The following SLC4A1AP variants were observed in gnomAD, a reference collection of about 807,000 sequenced individuals.
SLC4A1AP encodes the protein kanadaptin.
Under a neutral mutation model 89.7 loss-of-function variants are expected in SLC4A1AP, and 64 were observed. The observed-to-expected ratio is 0.71, with a 90% CI of 0.58 to 0.88. SLC4A1AP has a LOEUF of 0.88. Among genes scored for constraint, SLC4A1AP ranks in the 40% least tolerant of loss-of-function variants. The probability of loss-of-function intolerance (pLI) is 0.00; values close to 1 mark genes in which losing one functional copy is unlikely to be tolerated. For synonymous variants in SLC4A1AP, 366 were observed against 353.3 expected (o/e 1.04, Z -0.40); for missense variants, 931 against 965.0 (o/e 0.96, Z 0.47).
chr2:27,686,772 A>C (rs1675710580), intron 10 of SLC4A1AP, among the ~76,000 whole-genome samples: 1 of 152,196 alleles, frequency 6.6e-6, no homozygotes, highest in Non-Finnish European at 1.5e-5. Context: ...AGACTGTTTC[A>C]AAAACAAAAC....
chr2:27,681,697 A>G (rs1483686789), intron 8 of SLC4A1AP, among the ~76,000 whole-genome samples: 1 of 152,090 alleles, frequency 6.6e-6, no homozygotes, highest in African/African-American at 2.4e-5. Context: ...TAATGGGCTT[A>G]GCTTTTCTAA....
chr2:27,679,069 C>G (rs1675571564), intron 8 of SLC4A1AP, among the ~76,000 whole-genome samples: 1 of 152,044 alleles, frequency 6.6e-6, no homozygotes, highest in Non-Finnish European at 1.5e-5. Context: ...TGATTTTATA[C>G]TGTGCTGATG....
intron 5 of SLC4A1AP, among the ~76,000 whole-genome samples, chr2:27,673,448 C>T (rs1442227000): frequency 8.6e-6 from 1 of 116,554 alleles, no homozygotes; most frequent in Non-Finnish European, 1.7e-5. Context: ...CCCTCCCTTC[C>T]TTCCTTCCTT....
Position 27,688,770 on chromosome 2 carries a change from A to G in SLC4A1AP, c.2271+3A>G, listed in dbSNP as rs772036025. The G allele has an allele frequency of 1.3e-6, 2 of 1,597,826 alleles. No homozygotes were observed. The highest frequency in any genetic ancestry group is 8.5e-7 in the Non-Finnish European group (1 of 1,173,828). On this transcript the variant is annotated splice_donor_region_variant and intron_variant, in intron 12 of 13. Coordinates refer to ENST00000613058, the Ensembl canonical transcript of SLC4A1AP. The stretch of plus-strand genomic sequence containing the variant: ...AGAAAACACCTGGTCCAGGCAAAGT[A>G]AGTATTTCACTTGTCTGGGAGTAAA...
chr2:27,691,592 C>CTTTTTTTTTTTTTTTTTTTTT (rs869045766), intron 12 of SLC4A1AP: 1 of 129,382 alleles, frequency 7.7e-6, no homozygotes, highest in African/African-American at 2.8e-5. Context: ...TTAATCTGTT[C>CTTTTTTTTTTTTTTTTTTTTT]TTTTTTTTTT....
At chr2:27,682,206 G>T (rs1675629958) in intron 8 of SLC4A1AP, 42 bp from the exon 9 acceptor site, 3 of 1,312,814 alleles carry the variant, frequency 2.3e-6, no homozygotes, top group Non-Finnish European at 3.2e-6. Context: ...AAAACCTTGG[G>T]ACTCCCTGGA....
exon 11 of SLC4A1AP, chr2:27,687,986 T>C: frequency 6.2e-7 from 1 of 1,614,014 alleles, no homozygotes; most frequent in Non-Finnish European, 8.5e-7. Flanking sequence ...ATCAAGACTG[T>C]AGCAAAACCA....
Position 27,668,763 on chromosome 2 carries a change from C to T in SLC4A1AP, c.1145-80C>T, listed in dbSNP as rs1217846980. On this transcript the variant is annotated intron_variant, in intron 3 of 13. Transcript: ENST00000613058. ...CTGCTAGGAACTTGTTCGTATTTAA[C>T]GTTTGTTCTCATTTATCATTGTATC... 6 of 1,291,540 alleles carry T rather than the reference C, an allele frequency of 4.6e-6. No individual in the cohort carries two copies. The South Asian group carries it at 4.7e-5, about 10-fold the overall frequency. 80.0% of individuals were successfully genotyped at this position (1,291,540 alleles called of 1,614,324 possible).
rs1488518066 is a variant in SLC4A1AP, at chr2:27,669,528, A to C, written c.1345+141A>C. 1.2e-5 allele frequency: 8 copies of C among 693,536 alleles called. No homozygotes were observed. The African/African-American group carries it at 1.5e-4, about 13-fold the overall frequency. The allele number at this position is 693,536 out of a possible 1,614,324, so 43.0% of individuals were successfully genotyped here. Reference sequence around the variant, plus strand: ...AAAAGAGAAAAATTCTCAATACCCTAAGGTAGCCACTGTTTATATTCTCCC... The same window carrying C: ...AAAAGAGAAAAATTCTCAATACCCTCAGGTAGCCACTGTTTATATTCTCCC... On this transcript the variant is annotated intron_variant, in intron 5 of 13. Coordinates refer to ENST00000613058, the Ensembl canonical transcript of SLC4A1AP.
intron 5 of SLC4A1AP, among the ~76,000 whole-genome samples, chr2:27,673,053 C>T (rs980618436): frequency 1.3e-5 from 2 of 152,114 alleles, no homozygotes; most frequent in Non-Finnish European, 2.9e-5. Flanking sequence ...CTCTGGATTT[C>T]TACTGCAGAT....
intron 12 of SLC4A1AP, among the ~76,000 whole-genome samples, chr2:27,691,295 TTA>T (rs1330657618): frequency 6.6e-6 from 1 of 152,132 alleles, no homozygotes; most frequent in African/African-American, 2.4e-5. Context: ...TTCCAGGAAT[TTA>T]TCCATTTCTA....
chr2:27,687,885 C>G (rs945239095), intron 10 of SLC4A1AP, 49 bp from the exon 11 acceptor site: 1 of 1,446,402 alleles, frequency 6.9e-7, no homozygotes. Flanking sequence ...GTTTGGCTTT[C>G]CACCATGAAT....
At chr2:27,677,315 T>A in exon 7 of SLC4A1AP, 1 of 1,613,520 alleles carries the variant, frequency 6.2e-7, no homozygotes. Context: ...TAAATGATGC[T>A]GAAAGGGAAC....
intron 10 of SLC4A1AP, among the ~76,000 whole-genome samples, chr2:27,686,003 C>T (rs1356808901): frequency 1.3e-5 from 2 of 152,150 alleles, no homozygotes; most frequent in African/African-American, 2.4e-5. Flanking sequence ...TTTTTAGTAT[C>T]CTTTCATCCC....
chr2:27,673,882 A>T (rs1675470299), intron 5 of SLC4A1AP, among the ~76,000 whole-genome samples: 1 of 152,142 alleles, frequency 6.6e-6, no homozygotes, highest in Admixed American at 6.5e-5. Flanking sequence ...ATAGCTCAGG[A>T]TGAAGGAACA....
At chr2:27,675,633 C>G in exon 6 of SLC4A1AP, 2 of 1,609,516 alleles carry the variant, frequency 1.2e-6, no homozygotes, top group Non-Finnish European at 1.7e-6. Context: ...GAAGAAGCGT[C>G]TGAACAGAAT....
intron 4 of SLC4A1AP, 29 bp from the exon 5 acceptor site, chr2:27,669,219 G>A (rs779426458): frequency 5.7e-6 from 9 of 1,581,348 alleles, no homozygotes; most frequent in Non-Finnish European, 8.5e-7. Flanking sequence ...GCTTAATGCT[G>A]TGCTATAATT....
chr2:27,668,170 A>G (rs1217553768), intron 3 of SLC4A1AP, among the ~76,000 whole-genome samples: 1 of 150,576 alleles, frequency 6.6e-6, no homozygotes, highest in East Asian at 1.9e-4. Context: ...TTTTTTTGAG[A>G]CGGAGTCTCG....
chr2:27,688,083 G>A, intron 11 of SLC4A1AP, 63 bp downstream of exon 11: 2 of 1,392,870 alleles, frequency 1.4e-6, no homozygotes, highest in Non-Finnish European at 1.0e-6. Flanking sequence ...TTTCATAAGG[G>A]AGGGGCTGGC....
Sources: gnomAD v4.1 joint callset for allele counts (sites outside exome capture counted in the v4.1 genomes callset) on GRCh38, gnomAD v4.1.1 for gene constraint, MANE v1.5 for transcripts, NCBI Gene and HGNC (gene_info 2026-07-23, HGNC 2026-07-21) for gene names.